Variants in SLCO1A2 observed in about 807,000 individuals in gnomAD.
SLCO1A2 encodes solute carrier organic anion transporter family member 1A2, also known as OATP-1.
In SLCO1A2, 67 loss-of-function variants were observed where a neutral mutation model predicts 69.0. The ratio of observed to expected loss-of-function variants is 0.97; its 90% confidence interval spans 0.80 to 1.19. The LOEUF is 1.19. Among genes scored for constraint, SLCO1A2 ranks in the 50% most tolerant of loss-of-function variants. The pLI, the probability that SLCO1A2 is intolerant of heterozygous loss-of-function variation, is 0.00. For synonymous variants in SLCO1A2, 260 were observed against 265.9 expected (o/e 0.98, Z 0.22); for missense variants, 787 against 793.7 (o/e 0.99, Z 0.10).
chr12:21,310,894 C>T lies in SLCO1A2; in HGVS notation c.335+3655G>A, dbSNP rs553291782. On this transcript the variant is annotated intron_variant, in intron 4 of 14. Transcript: ENST00000683939. ...CTAGGATTATAGGCGTGAGCCACCG[C>T]GCCCAGCCGCACATAATGCTGTTTG... is the stretch of plus-strand genomic sequence containing the variant. Among the ~76,000 whole-genome samples the T allele has an allele frequency of 7.1e-4, 108 of 152,314 alleles. 1 individual carries two copies. In the Middle Eastern group the frequency reaches 0.01, roughly 14 times the overall value.
chr12:21,384,926 G>A (rs1940797977), intron 1 of SLCO1A2, among the ~76,000 whole-genome samples: 1 of 151,740 alleles, frequency 6.6e-6, no homozygotes, highest in Non-Finnish European at 1.5e-5. Context: ...CCACCATGCC[G>A]AGCTAATTTT....
intron 2 of SLCO1A2, among the ~76,000 whole-genome samples, chr12:21,368,501 G>A (rs1024052013): frequency 5.3e-5 from 8 of 151,954 alleles, no homozygotes; most frequent in Non-Finnish European, 1.2e-4. Context: ...TGGAAAACGT[G>A]AATGCTGAAT....
intron 12 of SLCO1A2, among the ~76,000 whole-genome samples, chr12:21,286,726 CT>C (rs1331980030): frequency 3.1e-5 from 3 of 96,522 alleles, no homozygotes; most frequent in Admixed American, 1.2e-4. Flanking sequence ...ACTATCTGAT[CT>C]TTGACAAACC....
In SLCO1A2 at chr12:21,285,482, G is replaced by A. The variant is rs867287210; in HGVS notation, c.1610+6682C>T. On this transcript the variant is annotated intron_variant, in intron 12 of 14. Transcript: ENST00000683939. Reference sequence around the variant, plus strand: ...GAAACTATTCCAATCAATAGAAAAAGAGGGAATCCTCCCTAACTCATTTTA... The same window carrying A: ...GAAACTATTCCAATCAATAGAAAAAAAGGGAATCCTCCCTAACTCATTTTA... 5.4e-3 allele frequency among the ~76,000 whole-genome samples: 747 copies of A among 139,028 alleles called. 7 individuals are homozygous for A. The highest frequency in any genetic ancestry group is 0.019 in the African/African-American group (697 of 36,518). The allele number at this position is 139,028 out of a possible 152,430, so 91.2% of individuals were successfully genotyped here. A position where few individuals can be genotyped will look rare whatever the true frequency, so the allele number is the denominator to read the frequency against.
At chr12:21,302,169 C>G (rs1369192255) in intron 6 of SLCO1A2, among the ~76,000 whole-genome samples, 1 of 152,138 alleles carries the variant, frequency 6.6e-6, no homozygotes, top group Non-Finnish European at 1.5e-5. Context: ...TCTCCTTTCA[C>G]TATACTCTCT....
At chr12:21,340,342 GATAC>G (rs1953027232) in intron 2 of SLCO1A2, among the ~76,000 whole-genome samples, 3 of 151,976 alleles carry the variant, frequency 2.0e-5, no homozygotes, top group Non-Finnish European at 2.9e-5. Context: ...CTGACTTGAT[GATAC>G]ATACACCGTA....
chr12:21,276,630 A>G (rs368034567), intron 12 of SLCO1A2, among the ~76,000 whole-genome samples: 16 of 152,296 alleles, frequency 1.1e-4, no homozygotes, highest in African/African-American at 3.4e-4. Context: ...TATCACAGAA[A>G]GAGGCACTGA....
intron 5 of SLCO1A2, among the ~76,000 whole-genome samples, chr12:21,305,014 T>C (rs141387933): frequency 6.6e-6 from 1 of 152,346 alleles, no homozygotes; most frequent in East Asian, 1.9e-4. Flanking sequence ...TTCTCTAGAA[T>C]TGGTACTATA....
chr12:21,383,095 T>C (rs1206084714), intron 1 of SLCO1A2, among the ~76,000 whole-genome samples: 2 of 152,208 alleles, frequency 1.3e-5, no homozygotes. Context: ...ATATTGAGAA[T>C]AACAATCTTT....
intron 2 of SLCO1A2, among the ~76,000 whole-genome samples, chr12:21,370,274 A>G (rs1443318028): frequency 6.6e-6 from 1 of 152,122 alleles, no homozygotes; most frequent in Admixed American, 6.5e-5. Flanking sequence ...TCGCATATCA[A>G]TTTTATGACT....
intron 2 of SLCO1A2, among the ~76,000 whole-genome samples, chr12:21,321,917 C>G (rs1038517256): frequency 4.6e-5 from 7 of 152,102 alleles, no homozygotes; most frequent in Non-Finnish European, 8.8e-5. Flanking sequence ...CTATAAGTTC[C>G]TCTCTCATTA....
intron 2 of SLCO1A2, among the ~76,000 whole-genome samples, chr12:21,363,669 AAG>A (rs1237620529): frequency 2.0e-5 from 3 of 152,192 alleles, no homozygotes; most frequent in African/African-American, 7.2e-5. Context: ...TAAAGAAGAA[AAG>A]AGAGAAGTGT....
chr12:21,418,892 C>T (rs187906037), upstream of SLCO1A2, among the ~76,000 whole-genome samples: 6 of 151,798 alleles, frequency 4.0e-5, no homozygotes, highest in Non-Finnish European at 8.8e-5. Context: ...GGCCTGTGAA[C>T]TAAGAATAGT....
intron 1 of SLCO1A2, among the ~76,000 whole-genome samples, chr12:21,394,018 T>A (rs563291420): frequency 6.6e-6 from 1 of 152,322 alleles, no homozygotes; most frequent in Non-Finnish European, 1.5e-5. Context: ...CTTGTATCAA[T>A]CTAGCAATAA....
upstream of SLCO1A2, among the ~76,000 whole-genome samples, chr12:21,335,186 A>C (rs1415620228): frequency 6.6e-6 from 1 of 151,982 alleles, no homozygotes; most frequent in African/African-American, 2.4e-5. Context: ...GCTTCCCTAG[A>C]GTCTCAGGAA....
At chr12:21,274,675 G>T (rs1400333932) in intron 13 of SLCO1A2, 89 bp from the exon 14 acceptor site, 3 of 913,218 alleles carry the variant, frequency 3.3e-6, no homozygotes, top group East Asian at 2.5e-5. Context: ...TATTTGTACG[G>T]CAAAGTTTAT....
intron 8 of SLCO1A2, among the ~76,000 whole-genome samples, chr12:21,299,823 TACAC>T (rs1378292494): frequency 7.1e-6 from 1 of 141,652 alleles, no homozygotes; most frequent in East Asian, 2.0e-4. Flanking sequence ...CACACACATA[TACAC>T]ACACATATAT....
intron 2 of SLCO1A2, among the ~76,000 whole-genome samples, chr12:21,347,365 G>T (rs141157250): frequency 2.0e-4 from 30 of 152,272 alleles, no homozygotes; most frequent in Admixed American, 3.3e-4. Context: ...GAATCTGGGG[G>T]CCAGGTGCGG....
At chr12:21,337,101 A>G (rs1952916017), upstream of SLCO1A2, among the ~76,000 whole-genome samples, 1 of 151,946 alleles carries the variant, frequency 6.6e-6, no homozygotes, top group Non-Finnish European at 1.5e-5. Context: ...GAGGAACTCT[A>G]CTCTCTTACA....
Sources: gnomAD v4.1 joint callset for allele counts (sites outside exome capture counted in the v4.1 genomes callset) on GRCh38, gnomAD v4.1.1 for gene constraint, MANE v1.5 for transcripts, NCBI Gene and HGNC (gene_info 2026-07-23, HGNC 2026-07-21) for gene names.